CNTN3: variants seen among roughly 807,000 people sequenced by gnomAD.
The protein encoded by CNTN3 is contactin-3.
A neutral mutation model predicts 119.1 loss-of-function variants in CNTN3; 60 were observed. The ratio of observed to expected loss-of-function variants is 0.50; its 90% CI spans 0.41 to 0.62. CNTN3 has a LOEUF of 0.62. CNTN3 is among the 20% of genes least tolerant of loss of function. CNTN3 has a pLI of 0.00. For synonymous variants in CNTN3, 450 were observed against 438.7 expected (o/e 1.03, Z -0.32); for missense variants, 1,101 against 1,242.4 (o/e 0.89, Z 1.71).
At chr3:74,430,967 C>G (rs776723844) in intron 4 of CNTN3, among the ~76,000 whole-genome samples, 2 of 152,156 alleles carry the variant, frequency 1.3e-5, no homozygotes, top group African/African-American at 2.4e-5. Flanking sequence ...GAGCCCATAG[C>G]TCCAGCCACA....
At chr3:74,520,418 A>T (rs1335614085) in intron 2 of CNTN3, among the ~76,000 whole-genome samples, 1 of 150,404 alleles carries the variant, frequency 6.6e-6, no homozygotes, top group Non-Finnish European at 1.5e-5. Context: ...ATAAACAAAA[A>T]GTTAGTTATA....
chr3:74,477,409 T>C (rs564506127), intron 4 of CNTN3, among the ~76,000 whole-genome samples: 2 of 152,220 alleles, frequency 1.3e-5, no homozygotes, highest in Non-Finnish European at 2.9e-5. Flanking sequence ...AATAAAACAG[T>C]ACTGACCAGC....
chr3:74,336,351 T>C (rs887217142), intron 12 of CNTN3, among the ~76,000 whole-genome samples, 180 bp downstream of exon 12: 2 of 152,158 alleles, frequency 1.3e-5, no homozygotes, highest in African/African-American at 4.8e-5. Flanking sequence ...TGGTGCACAC[T>C]GTGCTGTGCT....
chr3:74,324,931 T>C (rs535510278), intron 13 of CNTN3, among the ~76,000 whole-genome samples: 1 of 152,294 alleles, frequency 6.6e-6, no homozygotes, highest in Non-Finnish European at 1.5e-5. Flanking sequence ...AGTGAAAGAT[T>C]TCCTGCTGTG....
At chr3:74,295,326 T>TAAG (rs1210807458) in intron 18 of CNTN3, 90 bp from the exon 19 acceptor site, 5 of 691,466 alleles carry the variant, frequency 7.2e-6, no homozygotes, top group African/African-American at 1.8e-5. Flanking sequence ...AAAAGCATTT[T>TAAG]AACGTATTTG....
chr3:74,526,755 C>T (rs778839729), intron 1 of CNTN3, among the ~76,000 whole-genome samples: 10 of 151,822 alleles, frequency 6.6e-5, no homozygotes, highest in East Asian at 2.0e-4. Context: ...GGGTGAATGC[C>T]GGCTGGAAGT....
intron 5 of CNTN3, among the ~76,000 whole-genome samples, chr3:74,386,520 T>C (rs1172561070): frequency 6.6e-6 from 1 of 152,138 alleles, no homozygotes; most frequent in Non-Finnish European, 1.5e-5. Flanking sequence ...CCAGCATGGA[T>C]GACAAAGTGA....
At position 74,482,218 on chromosome 3, in the gene CNTN3, C is replaced by T. The variant is rs182335025; in HGVS notation, c.358+4238G>A. ...AAAGGATAAATAGGCAAAAGTACTA[C>T]AGAAAATATTAGCAAACAGCTAACA... On this transcript the variant is annotated intron_variant, in intron 4 of 22. Coordinates refer to ENST00000263665, the MANE Select transcript of CNTN3 (RefSeq NM_020872.3). Among the ~76,000 whole-genome samples the T allele has an allele frequency of 6.4e-4, 98 of 151,940 alleles. 1 individual carries two copies. The highest frequency in any genetic ancestry group is 1.3e-3 in the Non-Finnish European group (87 of 67,888).
intron 1 of CNTN3, among the ~76,000 whole-genome samples, chr3:74,580,452 T>G (rs1340885684): frequency 1.3e-5 from 2 of 152,080 alleles, no homozygotes; most frequent in East Asian, 3.9e-4. Context: ...ACAACAATAT[T>G]TTTTCAAGAA....
intron 4 of CNTN3, among the ~76,000 whole-genome samples, chr3:74,436,360 G>T (rs562801345): frequency 3.3e-5 from 5 of 152,000 alleles, no homozygotes; most frequent in Non-Finnish European, 7.4e-5. Flanking sequence ...TCCCTTTGTC[G>T]CCTTCCACAG....
intron 1 of CNTN3, among the ~76,000 whole-genome samples, chr3:74,545,171 T>C (rs1703897213): frequency 6.6e-6 from 1 of 152,130 alleles, no homozygotes. Context: ...TAATAAAAAG[T>C]AATAAACTGC....
At chr3:74,521,010 C>A (rs530110188) in intron 2 of CNTN3, 48 bp downstream of exon 2, 3 of 1,129,894 alleles carry the variant, frequency 2.7e-6, no homozygotes, top group African/African-American at 1.6e-5. Context: ...GCATATGACT[C>A]GAGTATACTT....
At chr3:74,414,635 C>G (rs926058443) in intron 5 of CNTN3, among the ~76,000 whole-genome samples, 2 of 152,132 alleles carry the variant, frequency 1.3e-5, no homozygotes, top group African/African-American at 4.8e-5. Context: ...AAATGAGCCA[C>G]TAGAGTTTAC....
At chr3:74,284,682 C>A (rs1229614371) in intron 20 of CNTN3, among the ~76,000 whole-genome samples, 1 of 152,146 alleles carries the variant, frequency 6.6e-6, no homozygotes, top group Non-Finnish European at 1.5e-5. Flanking sequence ...GGAACATTAG[C>A]AAATTGTAAA....
At chr3:74,496,285 A>G (rs368519167) in intron 3 of CNTN3, among the ~76,000 whole-genome samples, 62 of 152,260 alleles carry the variant, frequency 4.1e-4, no homozygotes, top group African/African-American at 1.3e-3. Context: ...GTAAAGTTAG[A>G]GATTCCAAAA....
At chr3:74,473,237 G>C (rs987756408) in intron 4 of CNTN3, among the ~76,000 whole-genome samples, 1 of 150,990 alleles carries the variant, frequency 6.6e-6, no homozygotes, top group Non-Finnish European at 1.5e-5. Flanking sequence ...AGACTGATTA[G>C]ATGCTATCTT....
At chr3:74,453,563 G>C in intron 4 of CNTN3, among the ~76,000 whole-genome samples, 1 of 151,722 alleles carries the variant, frequency 6.6e-6, no homozygotes, top group Non-Finnish European at 1.5e-5. Flanking sequence ...GCTAGCTTTT[G>C]AATGTGTTTG....
chr3:74,520,904 CAGATT>C (rs1249305405), intron 2 of CNTN3, among the ~76,000 whole-genome samples, 149 bp downstream of exon 2: 3 of 151,694 alleles, frequency 2.0e-5, no homozygotes, highest in Non-Finnish European at 4.4e-5. Flanking sequence ...ACCCAATTAT[CAGATT>C]AGAGAATTTA....
intron 5 of CNTN3, among the ~76,000 whole-genome samples, chr3:74,417,279 G>T (rs1701539225): frequency 6.6e-6 from 1 of 152,078 alleles, no homozygotes; most frequent in South Asian, 2.1e-4. Context: ...CCTATTTCCT[G>T]CAAACTGAAC....
Sources: gnomAD v4.1 joint callset for allele counts (sites outside exome capture counted in the v4.1 genomes callset) on GRCh38, gnomAD v4.1.1 for gene constraint, MANE v1.5 for transcripts, NCBI Gene and HGNC (gene_info 2026-07-23, HGNC 2026-07-21) for gene names.